The following SYNGR1 variants were observed in gnomAD, a reference collection of about 807,000 sequenced individuals.
SYNGR1 encodes synaptogyrin-1.
Under a neutral mutation model 26.1 loss-of-function variants are expected in SYNGR1, and 14 were observed. The ratio of observed to expected loss-of-function variants is 0.54; its 90% CI spans 0.35 to 0.84. The LOEUF (loss-of-function observed/expected upper bound fraction) is 0.84, where lower values mean the gene tolerates loss of function less well. Among genes scored for constraint, SYNGR1 ranks in the 40% least tolerant of loss-of-function variants. SYNGR1 has a pLI of 0.01. For missense variants in SYNGR1, 319 were observed against 332.9 expected (o/e 0.96, Z 0.33); for synonymous variants, 141 against 150.1 (o/e 0.94, Z 0.44).
intron 3 of SYNGR1, chr22:39,377,900 A>G: frequency 7.0e-7 from 1 of 1,425,016 alleles, no homozygotes; most frequent in South Asian, 1.4e-5. Flanking sequence ...TTCAGTAAAC[A>G]TTTATTGAGC....
intron 1 of SYNGR1, among the ~76,000 whole-genome samples, chr22:39,369,539 C>G (rs1445062442): frequency 4.6e-5 from 7 of 152,150 alleles, no homozygotes; most frequent in Admixed American, 4.6e-4. Flanking sequence ...TCCATCCCTT[C>G]TTCAGGGCCC....
chr22:39,357,279 T>C (rs971556658), intron 1 of SYNGR1, among the ~76,000 whole-genome samples: 1 of 146,920 alleles, frequency 6.8e-6, no homozygotes, highest in Admixed American at 6.8e-5. Flanking sequence ...AAAAAAAAAG[T>C]GATGTTTGGA....
chr22:39,374,587 A>G, intron 2 of SYNGR1, 34 bp downstream of exon 2: 3 of 1,604,940 alleles, frequency 1.9e-6, no homozygotes, highest in Non-Finnish European at 2.6e-6. Flanking sequence ...CCCTGCACAG[A>G]GTCTACAGAG....
At chr22:39,357,574 C>T (rs1474044144) in intron 1 of SYNGR1, among the ~76,000 whole-genome samples, 1 of 151,794 alleles carries the variant, frequency 6.6e-6, no homozygotes, top group African/African-American at 2.4e-5. Context: ...GCGTGCGGCG[C>T]TTGCGGGCCA....
chr22:39,368,551 G>A (rs954353811), intron 1 of SYNGR1, among the ~76,000 whole-genome samples: 2 of 152,192 alleles, frequency 1.3e-5, no homozygotes, highest in Non-Finnish European at 2.9e-5. Context: ...AAGCTATTCT[G>A]TTCTTGCTCT....
chr22:39,368,606 T>C (rs1924880174), intron 1 of SYNGR1, among the ~76,000 whole-genome samples: 1 of 152,198 alleles, frequency 6.6e-6, no homozygotes, highest in Non-Finnish European at 1.5e-5. Flanking sequence ...TCCTCCTGGC[T>C]TCTCTGAGGA....
At chr22:39,356,026 A>G (rs1416448658) in intron 1 of SYNGR1, among the ~76,000 whole-genome samples, 3 of 152,244 alleles carry the variant, frequency 2.0e-5, no homozygotes, top group East Asian at 3.8e-4. Context: ...TTTCAAAAAA[A>G]GAAAAGAAAA....
At chr22:39,357,695 AGCCGGCCAGCCCT>A (rs1226754451) in intron 1 of SYNGR1, among the ~76,000 whole-genome samples, 1 of 35,096 alleles carries the variant, frequency 2.8e-5, no homozygotes, top group Non-Finnish European at 1.0e-4. Context: ...CCCTCGGAGC[AGCCGGCCAGCCCT>A]GCTGGCCCCG....
At chr22:39,366,078 A>T (rs1419247044) in intron 1 of SYNGR1, among the ~76,000 whole-genome samples, 3 of 143,834 alleles carry the variant, frequency 2.1e-5, no homozygotes, top group Non-Finnish European at 3.0e-5. Context: ...GCTCACTGCA[A>T]CCTTCACCTC....
intron 3 of SYNGR1, chr22:39,379,897 C>T (rs1925443058): frequency 1.3e-5 from 2 of 152,214 alleles, no homozygotes; most frequent in Admixed American, 1.3e-4. Flanking sequence ...CCTCAATCTT[C>T]CCAGCCCTAA....
rs913972509 is a variant in SYNGR1, at chr22:39,350,456, A to C, written c.99+347A>C. 2.0e-5 allele frequency among the ~76,000 whole-genome samples: 3 copies of C among 152,050 alleles called. No individual in the cohort carries two copies. The South Asian group carries it at 6.2e-4, about 32-fold the overall frequency. On this transcript the variant is annotated intron_variant, in intron 1 of 3. Transcript: ENST00000328933. This position sits in a 1 kb window ranked among gnomAD's most constrained non-coding sequence, Gnocchi z 4.3. ...GGATTGTGCGCGGCCGCCAGGGCGG[A>C]CTGGGGACCGTGGGGACGGAGCCAG...
At chr22:39,354,983 G>A (rs2145605637) in intron 1 of SYNGR1, among the ~76,000 whole-genome samples, 1 of 152,322 alleles carries the variant, frequency 6.6e-6, no homozygotes, top group South Asian at 2.1e-4. Flanking sequence ...GGGGAAGAGG[G>A]TCCAGGGTAG....
At chr22:39,352,369 A>G (rs1792249413) in intron 1 of SYNGR1, among the ~76,000 whole-genome samples, 2 of 152,230 alleles carry the variant, frequency 1.3e-5, no homozygotes, top group Admixed American at 1.3e-4. Flanking sequence ...ATACCTGCCA[A>G]TTATTGGAAA....
chr22:39,376,978 C>G (rs1925312299), intron 3 of SYNGR1: 1 of 1,550,470 alleles, frequency 6.4e-7, no homozygotes, highest in South Asian at 1.2e-5. Context: ...TGGTCTGGGT[C>G]ATGTCTGTTT....
chr22:39,351,049 C>T (rs1923885215), intron 1 of SYNGR1, among the ~76,000 whole-genome samples: 1 of 152,146 alleles, frequency 6.6e-6, no homozygotes, highest in Non-Finnish European at 1.5e-5. Context: ...GGGAGGGGTT[C>T]AGGTGCCTTG....
intron 1 of SYNGR1, among the ~76,000 whole-genome samples, chr22:39,371,242 C>A (rs9611162): frequency 0.57 from 85,416 of 150,846 alleles, 26,387 homozygotes; most frequent in East Asian, 0.95. Context: ...TTTGGGAGGC[C>A]GAGGTGGGCA....
chr22:39,353,256 C>G lies in SYNGR1; in HGVS notation c.99+3147C>G, dbSNP rs541593400. On this transcript the variant is annotated intron_variant, in intron 1 of 3. Coordinates refer to ENST00000328933, the MANE Select transcript of SYNGR1 (RefSeq NM_004711.5). ...CCCCAAATCATGTAAGCTTCAGGGC[C>G]TCACCAACCTGGACCCACCCTGGAA... Among the ~76,000 whole-genome samples the G allele has an allele frequency of 4.4e-3, 673 of 152,292 alleles. 4 individuals carry two copies. The highest frequency in any genetic ancestry group is 6.3e-3 in the Non-Finnish European group (431 of 68,024).
At chr22:39,358,403 G>C (rs1414854765) in intron 1 of SYNGR1, among the ~76,000 whole-genome samples, 1 of 152,198 alleles carries the variant, frequency 6.6e-6, no homozygotes, top group Non-Finnish European at 1.5e-5. Context: ...AACCTGCTCA[G>C]TTCCAAAGCT....
chr22:39,379,878 T>C (rs564979223), intron 3 of SYNGR1: 1 of 152,324 alleles, frequency 6.6e-6, no homozygotes, highest in African/African-American at 2.4e-5. Flanking sequence ...GGGCACTTCC[T>C]TTTCTAGGCC....
Sources: gnomAD v4.1 joint callset for allele counts (sites outside exome capture counted in the v4.1 genomes callset) on GRCh38, gnomAD v4.1.1 for gene constraint, Gnocchi (gnomAD v3.1) non-coding constraint, MANE v1.5 for transcripts, NCBI Gene and HGNC (gene_info 2026-07-23, HGNC 2026-07-21) for gene names.